Variants in ABCA12 observed in about 807,000 individuals in gnomAD.
ABCA12 encodes glucosylceramide transporter ABCA12.
Under a neutral mutation model 293.5 loss-of-function variants are expected in ABCA12, and 156 were observed. That is an observed-to-expected ratio of 0.53 (90% CI 0.47 to 0.61). ABCA12 has a LOEUF of 0.61. Among genes scored for constraint, ABCA12 ranks in the 20% least tolerant of loss-of-function variants. The probability of loss-of-function intolerance (pLI) is 0.00; values close to 1 mark genes in which losing one functional copy is unlikely to be tolerated. For missense variants in ABCA12, 2,797 were observed against 3,090.2 expected (o/e 0.91, Z 2.25); for synonymous variants, 1,063 against 1,108.0 (o/e 0.96, Z 0.81).
chr2:214,970,546 T>C (rs1699364976), intron 36 of ABCA12, 146 bp from the exon 37 acceptor site: 1 of 874,052 alleles, frequency 1.1e-6, no homozygotes, highest in Non-Finnish European at 1.8e-6. Context: ...CTAAAGAGCT[T>C]TGAAAAAGAA....
intron 19 of ABCA12, among the ~76,000 whole-genome samples, chr2:215,005,985 A>G (rs147376826): frequency 3.7e-4 from 56 of 152,350 alleles, no homozygotes; most frequent in African/African-American, 1.3e-3. Flanking sequence ...TGGCAAAGCC[A>G]GTTCTTGTGC....
At chr2:214,958,529 T>A (rs1699021630) in intron 40 of ABCA12, 75 bp from the exon 41 acceptor site, 1 of 1,492,104 alleles carries the variant, frequency 6.7e-7, no homozygotes, top group Non-Finnish European at 9.2e-7. Context: ...GATTCATAAC[T>A]AAAACCATCA....
intron 48 of ABCA12, among the ~76,000 whole-genome samples, chr2:214,946,808 T>C (rs1698596672): frequency 6.6e-6 from 1 of 152,148 alleles, no homozygotes. Flanking sequence ...CTATGTGTAA[T>C]TTATATTTCC....
chr2:215,034,439 GA>G (rs11418960), intron 8 of ABCA12, among the ~76,000 whole-genome samples: 1 of 152,084 alleles, frequency 6.6e-6, no homozygotes, highest in African/African-American at 2.4e-5. Flanking sequence ...GAAGGCAGTG[GA>G]AAAAATGTAG....
intron 20 of ABCA12, 58 bp downstream of exon 20, chr2:215,004,151 A>C (rs551970941): frequency 7.1e-7 from 1 of 1,405,828 alleles, no homozygotes; most frequent in South Asian, 1.2e-5. Flanking sequence ...ATATGGAACA[A>C]TGTTGTTTAT....
Position 214,950,420 on chromosome 2 carries a change from G to GTA in ABCA12, c.6852+457_6852+458dup, listed in dbSNP as rs1157746090. ...TGTGTGTGTGTGTGTGTGTGTGTGT[G>GTA]TATATATATGCATGTGTGTATATTT... On this transcript the variant is annotated intron_variant, in intron 45 of 52. Transcript: ENST00000272895. Among the ~76,000 whole-genome samples, 295 of 146,092 alleles carry GTA rather than the reference G, an allele frequency of 2.0e-3. 1 individual carries two copies. Among genetic ancestry groups the GTA allele is most frequent in the Middle Eastern group, 0.01 (3 of 292 alleles).
intron 7 of ABCA12, among the ~76,000 whole-genome samples, chr2:215,043,482 TG>T (rs1701142208): frequency 6.6e-6 from 1 of 152,140 alleles, no homozygotes; most frequent in Non-Finnish European, 1.5e-5. Flanking sequence ...CACAGCACAA[TG>T]TTTTTGCCAG....
chr2:215,058,067 T>C (rs111832314), intron 3 of ABCA12, among the ~76,000 whole-genome samples: 1 of 152,164 alleles, frequency 6.6e-6, no homozygotes, highest in African/African-American at 2.4e-5. Flanking sequence ...AAATCTGAGT[T>C]AGTCCCATTT....
At chr2:214,973,224 G>A (rs1699427430) in intron 36 of ABCA12, among the ~76,000 whole-genome samples, 1 of 152,164 alleles carries the variant, frequency 6.6e-6, no homozygotes, top group Non-Finnish European at 1.5e-5. Flanking sequence ...AAAATGGGTT[G>A]CATTCACTGA....
At chr2:214,950,219 A>G (rs1698711471) in intron 45 of ABCA12, among the ~76,000 whole-genome samples, 1 of 152,062 alleles carries the variant, frequency 6.6e-6, no homozygotes, top group East Asian at 1.9e-4. Context: ...GTACTACATT[A>G]TTTTATATCA....
chr2:215,048,825 A>T (rs12474852), intron 6 of ABCA12, among the ~76,000 whole-genome samples: 29,588 of 152,226 alleles, frequency 0.19, 3,107 homozygotes, highest in East Asian at 0.4. Flanking sequence ...ATGCAGCCAT[A>T]ACAAAGAATG....
At chr2:214,974,626 C>T (rs1421523809) in intron 35 of ABCA12, 152 bp downstream of exon 35, 1 of 748,530 alleles carries the variant, frequency 1.3e-6, no homozygotes, top group Non-Finnish European at 2.4e-6. Flanking sequence ...AAGAAATGAA[C>T]TAAAGGAGAT....
chr2:214,967,381 C>G (rs1699287029), intron 38 of ABCA12, among the ~76,000 whole-genome samples: 1 of 152,062 alleles, frequency 6.6e-6, no homozygotes, highest in South Asian at 2.1e-4. Context: ...CGCATGGTGT[C>G]CTTAGCACAA....
chr2:214,991,182 C>T (rs946941222), intron 23 of ABCA12, 151 bp from the exon 24 acceptor site: 4 of 740,684 alleles, frequency 5.4e-6, no homozygotes, highest in Non-Finnish European at 6.9e-6. Flanking sequence ...TTTATCCATG[C>T]TTGCTATGTG....
In ABCA12 at chr2:214,978,385, A is replaced by G. The variant is rs990843278; in HGVS notation, c.5059T>C (p.Ser1687Pro). 6.2e-7 allele frequency: 1 copy of G among 1,613,910 alleles called. No homozygotes were observed. Among genetic ancestry groups the G allele is most frequent in the African/African-American group, 1.3e-5 (1 of 74,918 alleles). The change falls in exon 33 of 53, where the codon TCC (serine) becomes CCC (proline). Residue 1687 changes from serine to proline, a missense_variant. Ser to Pro is a moderately conservative substitution (Grantham distance 74, BLOSUM62 -1). Coordinates refer to ENST00000272895, the MANE Select transcript of ABCA12 (RefSeq NM_173076.3). ...EHLTQKKIGNSNANGISTPDD... is the reference protein window; with the variant it reads ...EHLTQKKIGNPNANGISTPDD... Reference sequence around the variant, plus strand: ...GGAGTTGAGATGCCATTGGCATTGGAATTCCCAATTTTCTTTTGTGTTAAG... The same window carrying G: ...GGAGTTGAGATGCCATTGGCATTGGGATTCCCAATTTTCTTTTGTGTTAAG...
intron 49 of ABCA12, 90 bp from the exon 50 acceptor site, chr2:214,943,107 G>A: frequency 1.0e-6 from 1 of 968,296 alleles, no homozygotes. Flanking sequence ...TTTCATTATG[G>A]CACTTGGAAA....
At chr2:214,973,814 G>C in intron 36 of ABCA12, 135 bp downstream of exon 36, 1 of 776,430 alleles carries the variant, frequency 1.3e-6, no homozygotes, top group African/African-American at 1.7e-5. Context: ...GAGCTGCCCA[G>C]ATCCATATTT....
chr2:215,020,224 C>A (rs563137879), intron 11 of ABCA12, among the ~76,000 whole-genome samples: 142 of 145,496 alleles, frequency 9.8e-4, no homozygotes, highest in Non-Finnish European at 1.6e-3. Context: ...AAAAAAAAAA[C>A]AAAATAACAA....
intron 23 of ABCA12, among the ~76,000 whole-genome samples, chr2:214,997,353 C>T (rs1700057646): frequency 6.6e-6 from 1 of 152,126 alleles, no homozygotes; most frequent in Admixed American, 6.5e-5. Flanking sequence ...AATCTCTCTG[C>T]CTGAACAGTT....
Sources: allele counts gnomAD v4.1 joint callset (sites outside exome capture counted in the v4.1 genomes callset), GRCh38; gene constraint gnomAD v4.1.1; transcripts MANE v1.5; gene names NCBI Gene and HGNC (gene_info 2026-07-23, HGNC 2026-07-21).